CACNA2D4: variants seen among roughly 807,000 people sequenced by gnomAD.
CACNA2D4 encodes calcium voltage-gated channel auxiliary subunit alpha2delta 4.
A neutral mutation model predicts 163.8 loss-of-function variants in CACNA2D4; 157 were observed. That is an observed-to-expected ratio of 0.96 (90% CI 0.84 to 1.09). The LOEUF (loss-of-function observed/expected upper bound fraction) is 1.09, where lower values mean the gene tolerates loss of function less well. CACNA2D4 is among the 50% of genes least tolerant of loss of function. The probability of loss-of-function intolerance (pLI) is 0.00; values close to 1 mark genes in which losing one functional copy is unlikely to be tolerated. For synonymous variants in CACNA2D4, 598 were observed against 586.9 expected (o/e 1.02, Z -0.27); for missense variants, 1,410 against 1,479.9 (o/e 0.95, Z 0.78).
intron 18 of CACNA2D4, among the ~76,000 whole-genome samples, chr12:1,861,207 C>A (rs1240478075): frequency 6.6e-6 from 1 of 152,242 alleles, no homozygotes; most frequent in African/African-American, 2.4e-5. Context: ...CAACAAAAGC[C>A]TTGCTTTCTC....
At chr12:1,896,557 A>G (rs1350588883) in intron 6 of CACNA2D4, among the ~76,000 whole-genome samples, 2 of 151,892 alleles carry the variant, frequency 1.3e-5, no homozygotes, top group African/African-American at 4.8e-5. Flanking sequence ...AATGCAAATC[A>G]ATACTACAAA....
intron 27 of CACNA2D4, 26 bp downstream of exon 27, chr12:1,811,636 C>G (rs1309300540): frequency 6.4e-7 from 1 of 1,555,316 alleles, no homozygotes; most frequent in Non-Finnish European, 8.7e-7. Context: ...GTCCCCAGCC[C>G]CGACCTGGCC....
At chr12:1,871,038 T>A (rs202147550) in intron 18 of CACNA2D4, among the ~76,000 whole-genome samples, 2 of 152,190 alleles carry the variant, frequency 1.3e-5, no homozygotes, top group Non-Finnish European at 2.9e-5. Flanking sequence ...CGCTGGTGTG[T>A]GTGTGTATAC....
intron 26 of CACNA2D4, among the ~76,000 whole-genome samples, chr12:1,837,840 G>A (rs1250970306): frequency 1.3e-5 from 2 of 152,184 alleles, no homozygotes; most frequent in Non-Finnish European, 1.5e-5. Flanking sequence ...GCCTGGCACA[G>A]GTCTCTGTCA....
At chr12:1,815,383 A>G (rs1863841299) in intron 26 of CACNA2D4, among the ~76,000 whole-genome samples, 1 of 150,860 alleles carries the variant, frequency 6.6e-6, no homozygotes, top group South Asian at 2.1e-4. Flanking sequence ...GCTCCTTCCC[A>G]TCGTCAGGTC....
chr12:1,881,015 C>T (rs760535910), intron 13 of CACNA2D4, among the ~76,000 whole-genome samples: 19 of 152,266 alleles, frequency 1.2e-4, no homozygotes, highest in Admixed American at 8.5e-4. Flanking sequence ...CTTGCAAGGG[C>T]GGACACCTGC....
At chr12:1,870,448 C>CGGTGACAA (rs1865745256) in intron 18 of CACNA2D4, among the ~76,000 whole-genome samples, 1 of 151,732 alleles carries the variant, frequency 6.6e-6, no homozygotes, top group African/African-American at 2.4e-5. Flanking sequence ...TGACACTTCA[C>CGGTGACAA]GGTGACAACC....
At chr12:1,873,496 A>G (rs987744331) in intron 18 of CACNA2D4, among the ~76,000 whole-genome samples, 4 of 152,206 alleles carry the variant, frequency 2.6e-5, no homozygotes, top group African/African-American at 9.7e-5. Context: ...CACCCACTGC[A>G]TGTGTCAGTC....
At chr12:1,831,604 G>A (rs1293369015) in intron 26 of CACNA2D4, 1 of 1,259,948 alleles carries the variant, frequency 7.9e-7, no homozygotes, top group Non-Finnish European at 1.1e-6. Flanking sequence ...CTGGTGGCTG[G>A]GTGCTGACTC....
intron 26 of CACNA2D4, among the ~76,000 whole-genome samples, chr12:1,814,053 G>A (rs1018918571): frequency 2.6e-5 from 4 of 152,140 alleles, no homozygotes; most frequent in Non-Finnish European, 5.9e-5. Flanking sequence ...AGCGAATCAC[G>A]CTACTGCTCA....
chr12:1,908,080 G>C (rs374598229), intron 4 of CACNA2D4, 43 bp from the exon 5 acceptor site: 22 of 1,572,940 alleles, frequency 1.4e-5, no homozygotes, highest in African/African-American at 4.0e-5. Context: ...CCCGAGCACC[G>C]GGACAGGCGG....
chr12:1,835,193 A>T (rs1439143835), intron 26 of CACNA2D4: 1 of 159,062 alleles, frequency 6.3e-6, no homozygotes, highest in Non-Finnish European at 1.4e-5. Flanking sequence ...CGTTCTTAAC[A>T]CCCCTGCAGT....
At chr12:1,895,144 C>A (rs1248770036) in intron 6 of CACNA2D4, among the ~76,000 whole-genome samples, 1 of 151,634 alleles carries the variant, frequency 6.6e-6, no homozygotes, top group Admixed American at 6.6e-5. Context: ...ACAGTAACTA[C>A]CAAAAAAGTA....
At chr12:1,907,065 C>T (rs773550871) in intron 6 of CACNA2D4, among the ~76,000 whole-genome samples, 19 of 152,260 alleles carry the variant, frequency 1.2e-4, no homozygotes, top group Non-Finnish European at 2.5e-4. Flanking sequence ...TTCCAGATTG[C>T]TGTTGAACAC....
intron 27 of CACNA2D4, among the ~76,000 whole-genome samples, 174 bp from the exon 28 acceptor site, chr12:1,810,761 C>T (rs565832559): frequency 5.9e-4 from 89 of 151,522 alleles, no homozygotes; most frequent in African/African-American, 2.2e-3. Context: ...ATGTGTGTGT[C>T]GTATGTGGAG....
chr12:1,870,072 G>A (rs987458175), intron 18 of CACNA2D4, among the ~76,000 whole-genome samples: 3 of 152,144 alleles, frequency 2.0e-5, no homozygotes, highest in Admixed American at 6.5e-5. Flanking sequence ...GGCCTAGGGC[G>A]AATCTCTTGG....
chr12:1,864,431 T>C (rs1408161778), intron 18 of CACNA2D4, among the ~76,000 whole-genome samples: 3 of 152,270 alleles, frequency 2.0e-5, no homozygotes, highest in Non-Finnish European at 4.4e-5. Context: ...ATAGTTACTC[T>C]GCCGTGTATG....
At chr12:1,915,159 C>T (rs749810228) in intron 1 of CACNA2D4, 12 of 702,752 alleles carry the variant, frequency 1.7e-5, no homozygotes, top group African/African-American at 7.0e-5. Context: ...CATACACACA[C>T]GTGACATATG....
chr12:1,853,935 G>A lies in CACNA2D4; in HGVS notation c.2246+16C>T. Reference sequence around the variant, plus strand: ...GGGGCTGGTTGGGGCCTGGGAACCTGGGAACCTGGACCTACTCGGACATGT... The same window carrying A: ...GGGGCTGGTTGGGGCCTGGGAACCTAGGAACCTGGACCTACTCGGACATGT... On this transcript the variant is annotated intron_variant, in intron 23 of 37. Transcript: ENST00000382722. The A allele has an allele frequency of 6.2e-7, 1 of 1,605,204 alleles. No individual in the cohort carries two copies. The highest frequency in any genetic ancestry group is 8.5e-7 in the Non-Finnish European group (1 of 1,173,280).
Sources: allele counts gnomAD v4.1 joint callset (sites outside exome capture counted in the v4.1 genomes callset), GRCh38; gene constraint gnomAD v4.1.1; transcripts MANE v1.5; gene names NCBI Gene and HGNC (gene_info 2026-07-23, HGNC 2026-07-21).